IQCJ: variants seen among roughly 807,000 people sequenced by gnomAD.
IQCJ encodes the protein IQ motif containing J, also known as IQ domain-containing protein J.
In IQCJ, 9 loss-of-function variants were observed where a neutral mutation model predicts 11.0. The ratio of observed to expected loss-of-function variants is 0.82; its 90% CI spans 0.49 to 1.43. IQCJ has a LOEUF of 1.43. Among genes scored for constraint, IQCJ ranks in the 40% most tolerant of loss-of-function variants. The pLI is 0.00. For synonymous variants in IQCJ, 55 were observed against 51.3 expected (o/e 1.07, Z -0.31); for missense variants, 146 against 133.2 (o/e 1.10, Z -0.47).
chr3:159,104,382 G>T (rs1718117840), intron 1 of IQCJ, among the ~76,000 whole-genome samples: 1 of 152,216 alleles, frequency 6.6e-6, no homozygotes, highest in Non-Finnish European at 1.5e-5. Context: ...ACTAGAATGT[G>T]TTCAGTATGA....
intron 1 of IQCJ, among the ~76,000 whole-genome samples, chr3:159,078,977 T>C (rs1465149750): frequency 6.6e-6 from 1 of 152,056 alleles, no homozygotes; most frequent in Non-Finnish European, 1.5e-5. Context: ...TTATTAATAA[T>C]ATGATAACTA....
intron 1 of IQCJ, among the ~76,000 whole-genome samples, chr3:159,244,397 G>T (rs1436668548): frequency 6.6e-6 from 1 of 152,156 alleles, no homozygotes; most frequent in Non-Finnish European, 1.5e-5. Flanking sequence ...ACACCATGTA[G>T]TATGTAGCAC....
intron 1 of IQCJ, among the ~76,000 whole-genome samples, chr3:159,179,216 G>C (rs1444711662): frequency 1.3e-5 from 2 of 152,144 alleles, no homozygotes; most frequent in Non-Finnish European, 2.9e-5. Context: ...TGGAACCAGG[G>C]ACAGTAGGAT....
intron 1 of IQCJ, among the ~76,000 whole-genome samples, chr3:159,143,011 C>A (rs1378553188): frequency 6.6e-6 from 1 of 152,154 alleles, no homozygotes; most frequent in Non-Finnish European, 1.5e-5. Context: ...TGTGAAAACA[C>A]AAAATCCAGT....
At chr3:159,092,468 G>A (rs919337364) in intron 1 of IQCJ, among the ~76,000 whole-genome samples, 1 of 151,870 alleles carries the variant, frequency 6.6e-6, no homozygotes, top group African/African-American at 2.4e-5. Context: ...GGGAGGCCAA[G>A]GTGGGCGGAT....
intron 1 of IQCJ, among the ~76,000 whole-genome samples, chr3:159,223,661 A>C (rs1725681001): frequency 6.6e-6 from 1 of 152,172 alleles, no homozygotes; most frequent in Non-Finnish European, 1.5e-5. Flanking sequence ...AGCTCTGTCT[A>C]CCAAAAAGTC....
intron 1 of IQCJ, among the ~76,000 whole-genome samples, chr3:159,128,578 T>G (rs1719807643): frequency 1.3e-5 from 2 of 152,204 alleles, no homozygotes; most frequent in South Asian, 4.1e-4. Context: ...CTGATACGCA[T>G]GCCCCTCGTT....
intron 1 of IQCJ, among the ~76,000 whole-genome samples, chr3:159,237,526 G>T (rs1423137225): frequency 6.6e-6 from 1 of 152,156 alleles, no homozygotes; most frequent in African/African-American, 2.4e-5. Flanking sequence ...ACAGTGGGAA[G>T]CCTGGGAAGT....
intron 1 of IQCJ, among the ~76,000 whole-genome samples, chr3:159,174,076 C>T (rs971860094): frequency 6.6e-6 from 1 of 152,112 alleles, no homozygotes; most frequent in African/African-American, 2.4e-5. Flanking sequence ...TATGTTCAAT[C>T]AACTCCTCTG....
At position 159,239,464 on chromosome 3, in the gene IQCJ, A is replaced by G. The variant is rs546783114; in HGVS notation, c.10-6379A>G. 2.8e-4 allele frequency among the ~76,000 whole-genome samples: 42 copies of G among 149,916 alleles called. No individual in the cohort carries two copies. In the South Asian group the frequency reaches 4.8e-3, roughly 17 times the overall value. On this transcript the variant is annotated intron_variant, in intron 1 of 3. Transcript: ENST00000397832. The stretch of plus-strand genomic sequence containing the variant: ...CTTTATGCCCCCTAAGTCCCCAGAG[A>G]AAAAAAAAATAGAAGAAAGCATACC...
intron 3 of IQCJ, among the ~76,000 whole-genome samples, chr3:159,259,643 G>A (rs1384290167): frequency 6.6e-6 from 1 of 152,214 alleles, no homozygotes; most frequent in African/African-American, 2.4e-5. Flanking sequence ...TGAAGGTCAT[G>A]TTGTAGGAAT....
At chr3:159,154,619 G>C (rs965777669) in intron 1 of IQCJ, among the ~76,000 whole-genome samples, 1 of 152,086 alleles carries the variant, frequency 6.6e-6, no homozygotes, top group Non-Finnish European at 1.5e-5. Context: ...CTCTGGTCTA[G>C]AGGTTTGGTC....
intron 1 of IQCJ, among the ~76,000 whole-genome samples, chr3:159,121,167 AC>A (rs1483138144): frequency 7.0e-6 from 1 of 142,898 alleles, no homozygotes. Flanking sequence ...AGGGTCTTGC[AC>A]TGTTGCCCAG....
chr3:159,084,156 C>A (rs1009255291), intron 1 of IQCJ, among the ~76,000 whole-genome samples: 1 of 151,628 alleles, frequency 6.6e-6, no homozygotes, highest in African/African-American at 2.4e-5. Context: ...AAGATGTCAT[C>A]ATTGGGGGAA....
At chr3:159,074,177 G>T (rs1398053575) in intron 1 of IQCJ, among the ~76,000 whole-genome samples, 1 of 152,110 alleles carries the variant, frequency 6.6e-6, no homozygotes, top group Non-Finnish European at 1.5e-5. Context: ...CTTGCGTGAA[G>T]GTGAATGAGG....
chr3:159,104,473 T>C (rs572491074), intron 1 of IQCJ, among the ~76,000 whole-genome samples: 11 of 152,258 alleles, frequency 7.2e-5, no homozygotes, highest in Non-Finnish European at 1.2e-4. Context: ...GCTATAGTTC[T>C]TATTCTTTCT....
chr3:159,107,457 T>G (rs1410551194), intron 1 of IQCJ, among the ~76,000 whole-genome samples: 3 of 152,190 alleles, frequency 2.0e-5, no homozygotes, highest in Non-Finnish European at 4.4e-5. Flanking sequence ...TTTATAGTAT[T>G]TTGTTATATG....
chr3:159,111,936 A>G (rs796927759), intron 1 of IQCJ, among the ~76,000 whole-genome samples: 36 of 152,202 alleles, frequency 2.4e-4, no homozygotes, highest in African/African-American at 8.7e-4. Context: ...GTAATGTGAC[A>G]TTGTGTCTTG....
chr3:159,121,558 G>T (rs139816052), intron 1 of IQCJ, among the ~76,000 whole-genome samples: 2 of 152,144 alleles, frequency 1.3e-5, no homozygotes, highest in African/African-American at 4.8e-5. Flanking sequence ...AAAGGAGGTT[G>T]GTATGTATGC....
Sources: allele counts gnomAD v4.1 joint callset (sites outside exome capture counted in the v4.1 genomes callset), GRCh38; gene constraint gnomAD v4.1.1; transcripts MANE v1.5; gene names NCBI Gene and HGNC (gene_info 2026-07-23, HGNC 2026-07-21).